Variants in NRXN1 observed in about 807,000 individuals in gnomAD.
The protein encoded by NRXN1 is neurexin 1.
In NRXN1, 39 loss-of-function variants were observed where a neutral mutation model predicts 150.9. That is an observed-to-expected ratio of 0.26 (90% CI 0.20 to 0.34). The LOEUF (loss-of-function observed/expected upper bound fraction) is 0.34. NRXN1 is among the 10% of genes least tolerant of loss of function. The pLI, the probability that NRXN1 is intolerant of heterozygous loss-of-function variation, is 1.00. For missense variants in NRXN1, 1,815 were observed against 1,949.9 expected (o/e 0.93, Z 1.30); for synonymous variants, 924 against 757.0 (o/e 1.22, Z -3.62).
At chr2:50,990,426 A>G (rs1698376527) in intron 2 of NRXN1, among the ~76,000 whole-genome samples, 1 of 151,980 alleles carries the variant, frequency 6.6e-6, no homozygotes, top group Non-Finnish European at 1.5e-5. Context: ...CACTTTTCTT[A>G]TCTACTTTCC....
At chr2:50,865,658 GTTT>G (rs71404978) in intron 5 of NRXN1, among the ~76,000 whole-genome samples, 20 of 41,858 alleles carry the variant, frequency 4.8e-4, no homozygotes, top group African/African-American at 1.8e-3. Flanking sequence ...GCATTTGAAA[GTTT>G]TTTTTTTTTT....
chr2:50,388,954 G>A (rs900248618), intron 17 of NRXN1, among the ~76,000 whole-genome samples: 5 of 152,170 alleles, frequency 3.3e-5, no homozygotes, highest in South Asian at 2.1e-4. Context: ...ATCTTGTGGC[G>A]TTAGCAGTAT....
At chr2:50,269,650 C>T (rs1212071693) in intron 17 of NRXN1, among the ~76,000 whole-genome samples, 1 of 152,180 alleles carries the variant, frequency 6.6e-6, no homozygotes, top group Non-Finnish European at 1.5e-5. Flanking sequence ...AAGAAAGACA[C>T]TACTTCTACA....
At chr2:50,368,699 T>C (rs2079785012) in intron 17 of NRXN1, among the ~76,000 whole-genome samples, 1 of 151,938 alleles carries the variant, frequency 6.6e-6, no homozygotes, top group South Asian at 2.1e-4. Context: ...TTAAGGATTT[T>C]CATATAGAAG....
intron 2 of NRXN1, among the ~76,000 whole-genome samples, chr2:50,970,244 A>G (rs1326515664): frequency 6.6e-6 from 1 of 152,160 alleles, no homozygotes; most frequent in African/African-American, 2.4e-5. Context: ...GAGGGATTAT[A>G]GGTTCTATGG....
chr2:49,951,737 G>A (rs1299840284), intron 21 of NRXN1, among the ~76,000 whole-genome samples: 1 of 152,052 alleles, frequency 6.6e-6, no homozygotes, highest in African/African-American at 2.4e-5. Context: ...CACACAGGTT[G>A]AAATGAAAAG....
At chr2:50,452,268 A>C (rs58188783) in intron 17 of NRXN1, among the ~76,000 whole-genome samples, 2,801 of 152,276 alleles carry the variant, frequency 0.018, 107 homozygotes, top group African/African-American at 0.065. Context: ...AATACAGCTT[A>C]AGATTCGTGT....
chr2:50,925,660 T>C (rs188520719), intron 3 of NRXN1, among the ~76,000 whole-genome samples: 2 of 151,968 alleles, frequency 1.3e-5, no homozygotes, highest in African/African-American at 4.8e-5. Flanking sequence ...AGAATTGTTA[T>C]CATTTTTCTC....
chr2:50,090,800 G>A (rs1250724686), intron 19 of NRXN1, among the ~76,000 whole-genome samples: 9 of 152,034 alleles, frequency 5.9e-5, no homozygotes, highest in African/African-American at 9.7e-5. Flanking sequence ...TTATGTACAT[G>A]TTCTTATAAC....
chr2:50,195,652 A>ACAGGCAT (rs1233082338), intron 18 of NRXN1, among the ~76,000 whole-genome samples: 1 of 152,124 alleles, frequency 6.6e-6, no homozygotes, highest in Non-Finnish European at 1.5e-5. Context: ...TCTTCCCAAG[A>ACAGGCAT]CAGGCATTTC....
chr2:50,219,969 AT>A lies in NRXN1; in HGVS notation c.3546+16819del, dbSNP rs1288667046. ...TATATATATAATATATATATTATAT[AT>A]ATATAATATATATATTATATATAAT... On this transcript the variant is annotated intron_variant, in intron 18 of 22. Transcript: ENST00000401669. Among the ~76,000 whole-genome samples the A allele has an allele frequency of 5.5e-5, 3 of 54,392 alleles. No homozygotes were observed. In the Admixed American group the frequency reaches 6.0e-4, roughly 11 times the overall value. The allele number at this position is 54,392 out of a possible 152,430, so 35.7% of individuals were successfully genotyped here. A position where few individuals can be genotyped will look rare whatever the true frequency, so the allele number is the denominator to read the frequency against.
intron 13 of NRXN1, among the ~76,000 whole-genome samples, chr2:50,498,737 T>C (rs1184921141): frequency 1.3e-5 from 2 of 152,192 alleles, no homozygotes; most frequent in South Asian, 4.1e-4. Context: ...AACATAAATA[T>C]AAGGTACTTG....
chr2:50,187,819 T>C (rs1284097888), intron 18 of NRXN1, among the ~76,000 whole-genome samples: 1 of 152,166 alleles, frequency 6.6e-6, no homozygotes, highest in South Asian at 2.1e-4. Flanking sequence ...GTTGGATTCC[T>C]AGGTATTTTA....
chr2:51,009,207 T>C (rs1667478047), intron 2 of NRXN1: 1 of 151,940 alleles, frequency 6.6e-6, no homozygotes, highest in South Asian at 2.1e-4. Flanking sequence ...TTCATCTCCA[T>C]GCTTTCTGCA....
intron 4 of NRXN1, 171 bp downstream of exon 4, chr2:50,922,487 G>T: frequency 1.4e-6 from 1 of 739,798 alleles, no homozygotes. Flanking sequence ...AAAATCAAAC[G>T]AACAAAGAAA....
At chr2:50,832,451 G>A (rs1028761966) in intron 5 of NRXN1, among the ~76,000 whole-genome samples, 1 of 152,082 alleles carries the variant, frequency 6.6e-6, no homozygotes, top group African/African-American at 2.4e-5. Flanking sequence ...TCAGGAGTTC[G>A]AGATCCACCT....
At chr2:50,317,940 T>C (rs568765665) in intron 17 of NRXN1, among the ~76,000 whole-genome samples, 10 of 152,158 alleles carry the variant, frequency 6.6e-5, no homozygotes, top group Middle Eastern at 6.8e-3. Flanking sequence ...GGTAGAAAAG[T>C]ATATCTTAAA....
At chr2:50,580,675 G>A (rs1470292200) in intron 8 of NRXN1, among the ~76,000 whole-genome samples, 9 of 152,128 alleles carry the variant, frequency 5.9e-5, no homozygotes, top group Admixed American at 5.9e-4. Context: ...ACTCAACCCA[G>A]TAGTCAACAC....
chr2:50,437,440 T>C (rs1302859937), intron 17 of NRXN1, among the ~76,000 whole-genome samples: 5 of 152,252 alleles, frequency 3.3e-5, no homozygotes, highest in African/African-American at 4.8e-5. Context: ...AGTCCCAGTG[T>C]TATTTTCACC....
Sources: gnomAD v4.1 joint callset for allele counts (sites outside exome capture counted in the v4.1 genomes callset) on GRCh38, gnomAD v4.1.1 for gene constraint, MANE v1.5 for transcripts, NCBI Gene and HGNC (gene_info 2026-07-23, HGNC 2026-07-21) for gene names.